Variants in TMEFF2 observed in about 807,000 individuals in gnomAD.
The protein encoded by TMEFF2 is transmembrane protein with EGF like and two follistatin like domains 2, also known as tomoregulin-2.
Under a neutral mutation model 53.8 loss-of-function variants are expected in TMEFF2, and 28 were observed. The observed-to-expected ratio is 0.52, with a 90% confidence interval of 0.39 to 0.71. TMEFF2 has a LOEUF of 0.71. Among genes scored for constraint, TMEFF2 ranks in the 30% least tolerant of loss-of-function variants. TMEFF2 has a pLI of 0.00. For synonymous variants in TMEFF2, 162 were observed against 166.3 expected, an observed-to-expected ratio of 0.97 and a Z score of 0.20; for missense variants, 353 against 455.2, an observed-to-expected ratio of 0.78 and a Z score of 2.04.
intron 7 of TMEFF2, among the ~76,000 whole-genome samples, chr2:191,964,586 A>G (rs1692417698): frequency 6.6e-6 from 1 of 151,526 alleles, no homozygotes; most frequent in Non-Finnish European, 1.5e-5. Context: ...CAGCATTTCA[A>G]CACACTCAAG....
chr2:191,953,132 G>A (rs1420612772), intron 9 of TMEFF2, among the ~76,000 whole-genome samples: 1 of 152,108 alleles, frequency 6.6e-6, no homozygotes, highest in African/African-American at 2.4e-5. Context: ...ATTAATCATG[G>A]TTTTCTTTTC....
chr2:191,990,278 T>C (rs1168957208), intron 7 of TMEFF2, among the ~76,000 whole-genome samples: 1 of 152,200 alleles, frequency 6.6e-6, no homozygotes, highest in Non-Finnish European at 1.5e-5. Flanking sequence ...AAGACTTTTT[T>C]AGTTGATAAT....
chr2:192,130,932 C>T (rs933316768), intron 4 of TMEFF2, among the ~76,000 whole-genome samples: 1 of 151,772 alleles, frequency 6.6e-6, no homozygotes, highest in African/African-American at 2.4e-5. Flanking sequence ...GCAGCCTTCC[C>T]TTGGTGTTTA....
intron 4 of TMEFF2, among the ~76,000 whole-genome samples, chr2:192,115,107 A>G (rs552097269): frequency 5.3e-5 from 8 of 152,128 alleles, no homozygotes; most frequent in African/African-American, 1.7e-4. Context: ...ATGGAGCCAC[A>G]AAAGTTTCTA....
intron 7 of TMEFF2, among the ~76,000 whole-genome samples, chr2:191,982,353 T>TC (rs1685873322): frequency 6.6e-6 from 1 of 152,022 alleles, no homozygotes; most frequent in Non-Finnish European, 1.5e-5. Flanking sequence ...CTAATACAGG[T>TC]CTTCCTCCTG....
intron 1 of TMEFF2, among the ~76,000 whole-genome samples, chr2:192,192,355 T>C (rs1182856915): frequency 6.6e-6 from 1 of 152,152 alleles, no homozygotes; most frequent in Admixed American, 6.6e-5. Flanking sequence ...AAACTCCACA[T>C]TTTGGAAAAG....
chr2:192,059,982 T>G (rs767388767), intron 4 of TMEFF2, among the ~76,000 whole-genome samples: 12 of 152,116 alleles, frequency 7.9e-5, no homozygotes, highest in Non-Finnish European at 1.8e-4. Context: ...ACAACTTTCA[T>G]TTAACTTTTT....
At chr2:191,955,779 T>C (rs1175386258) in intron 8 of TMEFF2, among the ~76,000 whole-genome samples, 1 of 151,862 alleles carries the variant, frequency 6.6e-6, no homozygotes, top group Admixed American at 6.6e-5. Flanking sequence ...CTATAGAAAA[T>C]AGTGAATGCC....
intron 5 of TMEFF2, among the ~76,000 whole-genome samples, chr2:192,016,978 C>A (rs1359749214): frequency 6.6e-6 from 1 of 152,134 alleles, no homozygotes; most frequent in Non-Finnish European, 1.5e-5. Context: ...GAGGCAAATG[C>A]AAGGCTGCAT....
intron 4 of TMEFF2, among the ~76,000 whole-genome samples, chr2:192,058,078 T>G (rs896073680): frequency 3.9e-5 from 6 of 152,220 alleles, no homozygotes; most frequent in Admixed American, 2.0e-4. Flanking sequence ...GAAAGAGTTA[T>G]TTAGTTAAAA....
chr2:192,180,192 A>G (rs1314350044), intron 3 of TMEFF2, among the ~76,000 whole-genome samples: 1 of 151,642 alleles, frequency 6.6e-6, no homozygotes, highest in African/African-American at 2.4e-5. Flanking sequence ...GAATACCACA[A>G]TTGTGGATGA....
At chr2:191,998,450 C>G (rs1686277064) in intron 6 of TMEFF2, 129 bp from the exon 7 acceptor site, 1 of 581,324 alleles carries the variant, frequency 1.7e-6, no homozygotes. Context: ...TTCTAAGCAA[C>G]CTGCATCATA....
intron 4 of TMEFF2, among the ~76,000 whole-genome samples, chr2:192,083,934 C>T (rs1688610014): frequency 6.6e-6 from 1 of 151,988 alleles, no homozygotes; most frequent in Admixed American, 6.6e-5. Flanking sequence ...TTTTTCTATA[C>T]AAGTCACTGG....
At chr2:192,124,191 C>A (rs1390562068) in intron 4 of TMEFF2, among the ~76,000 whole-genome samples, 1 of 152,200 alleles carries the variant, frequency 6.6e-6, no homozygotes, top group Non-Finnish European at 1.5e-5. Context: ...ATTTCTACCA[C>A]TTTAAGATAA....
intron 5 of TMEFF2, among the ~76,000 whole-genome samples, chr2:192,013,769 T>C (rs1344279228): frequency 6.6e-6 from 1 of 152,182 alleles, no homozygotes; most frequent in Non-Finnish European, 1.5e-5. Flanking sequence ...ATTTTTTTAA[T>C]TGTCTGTTTT....
At chr2:192,075,332 T>TACATAC (rs1553518846) in intron 4 of TMEFF2, among the ~76,000 whole-genome samples, 4 of 88,148 alleles carry the variant, frequency 4.5e-5, no homozygotes, top group African/African-American at 1.2e-4. Context: ...TATATATATA[T>TACATAC]ACATACATAC....
In TMEFF2 at chr2:192,111,203, G is replaced by T. The variant is rs2356950; in HGVS notation, c.440-53428C>A. 1.2e-3 allele frequency among the ~76,000 whole-genome samples: 176 copies of T among 152,248 alleles called. 3 individuals carry two copies. The highest frequency in any genetic ancestry group is 6.8e-3 in the Middle Eastern group (2 of 294). On this transcript the variant is annotated intron_variant, in intron 4 of 9. Coordinates refer to ENST00000272771, the MANE Select transcript of TMEFF2 (RefSeq NM_016192.4). ...CTGGGTGACAGGCAGAGGTTGGAAC[G>T]GTTTGGAGGGCTTAGAAGAAGATAC...
At chr2:192,091,451 C>A (rs748300998) in intron 4 of TMEFF2, among the ~76,000 whole-genome samples, 19 of 152,040 alleles carry the variant, frequency 1.2e-4, no homozygotes, top group Non-Finnish European at 1.5e-5. Flanking sequence ...GAAAGAAAAG[C>A]GTTGAATATT....
At chr2:192,096,928 G>A (rs751917132) in intron 4 of TMEFF2, among the ~76,000 whole-genome samples, 36 of 151,628 alleles carry the variant, frequency 2.4e-4, no homozygotes, top group Non-Finnish European at 1.2e-4. Flanking sequence ...CGTCTGCCAC[G>A]GCCTCCCAAA....
Sources: gnomAD v4.1 joint callset for allele counts (sites outside exome capture counted in the v4.1 genomes callset) on GRCh38, gnomAD v4.1.1 for gene constraint, MANE v1.5 for transcripts, NCBI Gene and HGNC (gene_info 2026-07-23, HGNC 2026-07-21) for gene names.